HS6ST2: variants seen among roughly 807,000 people sequenced by gnomAD.
The protein encoded by HS6ST2 is heparan-sulfate 6-O-sulfotransferase 2.
A neutral mutation model predicts 33.0 loss-of-function variants in HS6ST2; 17 were observed. The ratio of observed to expected loss-of-function variants is 0.52; its 90% CI spans 0.35 to 0.77. The LOEUF is 0.77. HS6ST2 is among the 30% of genes least tolerant of loss of function. The pLI, the probability that HS6ST2 is intolerant of heterozygous loss-of-function variation, is 0.01. For missense variants in HS6ST2, 519 were observed against 551.7 expected (o/e 0.94, Z 0.59); for synonymous variants, 248 against 237.1 (o/e 1.05, Z -0.42).
intron 2 of HS6ST2, among the ~76,000 whole-genome samples, chrX:132,758,548 TAAG>T (rs1295210117): frequency 1.8e-5 from 2 of 111,899 alleles, no homozygotes; most frequent in Non-Finnish European, 3.8e-5. Context: ...CATGGTTTCC[TAAG>T]AAGAGGATGC....
intron 2 of HS6ST2, among the ~76,000 whole-genome samples, chrX:132,945,208 A>G (rs1301087252): frequency 8.9e-6 from 1 of 112,358 alleles, no homozygotes; most frequent in Non-Finnish European, 1.9e-5. Flanking sequence ...ATGAACAGGC[A>G]CTTCTTAAAA....
At chrX:132,652,223 T>C (rs2063698549) in intron 4 of HS6ST2, among the ~76,000 whole-genome samples, 1 of 111,845 alleles carries the variant, frequency 8.9e-6, no homozygotes, top group Middle Eastern at 4.6e-3. Flanking sequence ...TGATTCAATC[T>C]GTTACCCACT....
chrX:132,829,419 C>CAG (rs771400522), intron 2 of HS6ST2, among the ~76,000 whole-genome samples: 1 of 108,294 alleles, frequency 9.2e-6, no homozygotes, highest in African/African-American at 3.4e-5. Flanking sequence ...TATCTGTCTA[C>CAG]AGAGAGAGAG....
At chrX:132,801,940 A>G (rs1037808667) in intron 2 of HS6ST2, among the ~76,000 whole-genome samples, 30 of 111,936 alleles carry the variant, frequency 2.7e-4, no homozygotes, top group African/African-American at 9.1e-4. Context: ...ACAGGATGAG[A>G]TGTTTATCCT....
chrX:132,792,796 T>G (rs183221255), intron 2 of HS6ST2, among the ~76,000 whole-genome samples: 197 of 111,514 alleles, frequency 1.8e-3, no homozygotes, highest in African/African-American at 6.2e-3. Context: ...GTGTAATGTC[T>G]CCATAGTTTA....
At chrX:132,654,675 G>C (rs906265556) in intron 4 of HS6ST2, among the ~76,000 whole-genome samples, 1 of 112,058 alleles carries the variant, frequency 8.9e-6, no homozygotes, top group Non-Finnish European at 1.9e-5. Flanking sequence ...TAAGAGAATA[G>C]GTGGTCTTTT....
At chrX:132,836,518 T>C (rs986987330) in intron 2 of HS6ST2, among the ~76,000 whole-genome samples, 1 of 112,379 alleles carries the variant, frequency 8.9e-6, no homozygotes, top group African/African-American at 3.2e-5. Context: ...CTGCATCCCA[T>C]GTAGAGGAGG....
At chrX:132,669,370 G>T (rs1322959123) in intron 3 of HS6ST2, among the ~76,000 whole-genome samples, 171 bp from the exon 4 acceptor site, 1 of 88,125 alleles carries the variant, frequency 1.1e-5, no homozygotes, top group Non-Finnish European at 2.1e-5. Flanking sequence ...ATCTTATCCA[G>T]TTGTGCCCTT....
At chrX:132,648,222 C>T (rs1431722914) in intron 4 of HS6ST2, among the ~76,000 whole-genome samples, 1 of 111,381 alleles carries the variant, frequency 9.0e-6, no homozygotes, top group East Asian at 2.8e-4. Context: ...AGAAGCTGTC[C>T]CAGAGCTGAA....
At chrX:132,959,445 C>G (rs1301446179), upstream of HS6ST2, among the ~76,000 whole-genome samples, 1 of 112,067 alleles carries the variant, frequency 8.9e-6, no homozygotes, top group Non-Finnish European at 1.9e-5. Context: ...AGTCCCACTG[C>G]TACAGAAGGG....
intron 2 of HS6ST2, among the ~76,000 whole-genome samples, chrX:132,767,249 C>T (rs1245168539): frequency 8.9e-6 from 1 of 112,333 alleles, no homozygotes; most frequent in Non-Finnish European, 1.9e-5. Context: ...GACAAGGTCT[C>T]GCTCTGTCAC....
At chrX:132,804,364 A>G (rs2065261124) in intron 2 of HS6ST2, among the ~76,000 whole-genome samples, 1 of 112,187 alleles carries the variant, frequency 8.9e-6, no homozygotes, top group African/African-American at 3.2e-5. Context: ...CCCAGAGGAA[A>G]CACATGCACC....
At chrX:132,733,010 C>T in intron 2 of HS6ST2, among the ~76,000 whole-genome samples, 1 of 112,187 alleles carries the variant, frequency 8.9e-6, no homozygotes. Flanking sequence ...TCTTAAAAAG[C>T]AGTTTGTAAG....
chrX:132,661,410 A>T (rs2063771934), intron 4 of HS6ST2, among the ~76,000 whole-genome samples: 1 of 111,601 alleles, frequency 9.0e-6, no homozygotes, highest in Non-Finnish European at 1.9e-5. Flanking sequence ...TATTAGAAAT[A>T]ATCAGAAATT....
intron 2 of HS6ST2, among the ~76,000 whole-genome samples, chrX:132,787,204 T>TATATATATACACATATATATATACAC: frequency 2.3e-5 from 2 of 85,259 alleles, no homozygotes; most frequent in Non-Finnish European, 4.3e-5. Context: ...TATATACACA[T>TATATATATACACATATATATATACAC]ATATATATAC....
intron 2 of HS6ST2, among the ~76,000 whole-genome samples, chrX:132,867,237 T>G (rs1448214869): frequency 6.5e-5 from 7 of 107,357 alleles, no homozygotes; most frequent in Non-Finnish European, 1.2e-4. Context: ...ATTGAGATAA[T>G]CATGTGGTTT....
intron 2 of HS6ST2, among the ~76,000 whole-genome samples, chrX:132,863,975 C>G (rs1262182144): frequency 9.0e-6 from 1 of 111,334 alleles, no homozygotes; most frequent in Non-Finnish European, 1.9e-5. Context: ...GACTGGACCT[C>G]CAGCAAACTC....
At chrX:132,630,189 C>G (rs2063507563) in intron 4 of HS6ST2, among the ~76,000 whole-genome samples, 3 of 112,039 alleles carry the variant, frequency 2.7e-5, no homozygotes, top group Admixed American at 1.9e-4. Flanking sequence ...AGGACGAGGC[C>G]ACAGAAGGGC....
intron 2 of HS6ST2, among the ~76,000 whole-genome samples, chrX:132,741,538 T>C (rs1471598092): frequency 9.0e-6 from 1 of 110,778 alleles, no homozygotes; most frequent in Non-Finnish European, 1.9e-5. Flanking sequence ...CACCTCAGTA[T>C]CCCAAAGTGC....
Sources: allele counts gnomAD v4.1 joint callset (sites outside exome capture counted in the v4.1 genomes callset), GRCh38; gene constraint gnomAD v4.1.1; transcripts MANE v1.5; gene names NCBI Gene and HGNC (gene_info 2026-07-23, HGNC 2026-07-21).